Variants in SLCO2B1 observed in about 807,000 individuals in gnomAD.
The protein encoded by SLCO2B1 is solute carrier organic anion transporter family member 2B1.
A neutral mutation model predicts 67.3 loss-of-function variants in SLCO2B1; 41 were observed. The observed-to-expected ratio is 0.61, with a 90% CI of 0.47 to 0.79. The LOEUF is 0.79. SLCO2B1 is among the 30% of genes least tolerant of loss of function. SLCO2B1 has a pLI of 0.00. For synonymous variants in SLCO2B1, 379 were observed against 381.4 expected, an observed-to-expected ratio of 0.99 and a Z score of 0.07; for missense variants, 837 against 920.1, an observed-to-expected ratio of 0.91 and a Z score of 1.17.
At chr11:75,188,349 C>T (rs999392844) in intron 8 of SLCO2B1, 111 bp downstream of exon 8, 2 of 702,420 alleles carry the variant, frequency 2.8e-6, no homozygotes, top group Admixed American at 2.1e-5. Flanking sequence ...CCTGCAGACC[C>T]CTCATGAGCA....
chr11:75,158,292 T>C (rs1008050794), intron 1 of SLCO2B1, among the ~76,000 whole-genome samples: 6 of 152,186 alleles, frequency 3.9e-5, no homozygotes. Flanking sequence ...CCCAGGCTGG[T>C]TTATTATTTT....
In SLCO2B1 at chr11:75,196,607, T is replaced by C; in HGVS notation, c.1527T>C (p.Arg509=). 5 of 1,614,068 alleles carry C rather than the reference T, an allele frequency of 3.1e-6. No individual in the cohort carries two copies. Among genetic ancestry groups the C allele is most frequent in the Non-Finnish European group, 4.2e-6 (5 of 1,180,028 alleles). Residue 509 remains arginine (R), a synonymous_variant, in exon 10 of 14, where the codon CGT becomes CGC. Transcript: ENST00000289575. ...ACCCTGTCTGCGACCCCAGCACTCG[T>C]GTGGAATACATCACACCCTGCCACG... ...GFNPVCDPST[R]VEYITPCHAG...
chr11:75,166,053 C>T (rs1949887599), intron 4 of SLCO2B1, 104 bp downstream of exon 4: 2 of 1,356,262 alleles, frequency 1.5e-6, no homozygotes, highest in Admixed American at 2.1e-5. Context: ...CACCCCAAAA[C>T]CTCAACACCC....
rs562515081 is a variant in SLCO2B1, at chr11:75,172,409, G to A, written c.812G>A (p.Arg271Gln). 65 of 1,614,088 alleles carry A rather than the reference G, an allele frequency of 4.0e-5. No homozygotes were observed. The highest frequency in any genetic ancestry group is 4.9e-5 in the Non-Finnish European group (58 of 1,179,952). ...ATCAGCCTGACCATAAAGGACCCCC[G>A]ATGGGTGGGTGCCTGGTGGCTGGGT... ...GGISLTIKDP[R>Q]WVGAWWLGFL... Residue 271 changes from arginine to glutamine, a missense_variant, in exon 7 of 14, where the codon CGA becomes CAA. Transcript: ENST00000289575.
chr11:75,188,064 C>T (rs1944963993), intron 7 of SLCO2B1, 72 bp from the exon 8 acceptor site: 2 of 1,057,466 alleles, frequency 1.9e-6, no homozygotes, highest in South Asian at 1.4e-5. Context: ...CCTCTCCTCC[C>T]CAGCCCACAG....
intron 7 of SLCO2B1, among the ~76,000 whole-genome samples, chr11:75,177,882 G>C (rs891444322): frequency 2.0e-5 from 3 of 152,096 alleles, no homozygotes; most frequent in Non-Finnish European, 4.4e-5. Flanking sequence ...CATCACTTGA[G>C]GTCAGGAGTT....
Position 75,200,363 on chromosome 11 carries a change from C to T in SLCO2B1, c.1739C>T (p.Thr580Ile). ...LGSALACLTH[T>I]PSFMLILRGV... ...TCGGCCCTGGCCTGTCTCACCCACA[C>T]ACCCTCCTTCATGCTCATCCTAAGG... Residue 580 changes from threonine to isoleucine, a missense_variant, in exon 11 of 14, where the codon ACA becomes ATA. Transcript: ENST00000289575. The T allele has an allele frequency of 6.2e-7, 1 of 1,609,456 alleles. No homozygotes were observed. The highest frequency in any genetic ancestry group is 1.1e-5 in the South Asian group (1 of 90,592).
intron 7 of SLCO2B1, among the ~76,000 whole-genome samples, chr11:75,183,415 A>T (rs2140327565): frequency 6.6e-6 from 1 of 152,286 alleles, no homozygotes; most frequent in African/African-American, 2.4e-5. Flanking sequence ...CTTACCCAAA[A>T]AAATAAGACA....
At chr11:75,192,489 C>A (rs1241182509) in intron 8 of SLCO2B1, among the ~76,000 whole-genome samples, 1 of 151,620 alleles carries the variant, frequency 6.6e-6, no homozygotes, top group African/African-American at 2.4e-5. Context: ...GTTTGGGATG[C>A]GAAGGAGGAT....
chr11:75,151,437 G>C, intron 1 of SLCO2B1, 40 bp downstream of exon 1: 1 of 1,610,992 alleles, frequency 6.2e-7, no homozygotes, highest in Non-Finnish European at 8.5e-7. Flanking sequence ...TGGAGAGCAA[G>C]CCTGGGGGAC....
chr11:75,201,754 G>C (rs1014082513), intron 11 of SLCO2B1: 2 of 152,234 alleles, frequency 1.3e-5, no homozygotes, highest in African/African-American at 4.8e-5. Flanking sequence ...TATGGGGGAG[G>C]AGCTTTCATG....
chr11:75,157,314 C>T (rs1949757139), intron 1 of SLCO2B1, among the ~76,000 whole-genome samples: 1 of 152,180 alleles, frequency 6.6e-6, no homozygotes, highest in South Asian at 2.1e-4. Flanking sequence ...CAAATACCAT[C>T]ATGTGAATGT....
chr11:75,156,557 G>C (rs956357771), intron 1 of SLCO2B1, among the ~76,000 whole-genome samples: 1 of 152,146 alleles, frequency 6.6e-6, no homozygotes, highest in Non-Finnish European at 1.5e-5. Context: ...ATGAGGAATG[G>C]ATTGCCCAGC....
At chr11:75,186,528 T>G (rs1365272001) in intron 7 of SLCO2B1, among the ~76,000 whole-genome samples, 1 of 151,776 alleles carries the variant, frequency 6.6e-6, no homozygotes, top group African/African-American at 2.4e-5. Flanking sequence ...TTTATTTTTA[T>G]TTTTAGTAGA....
intron 9 of SLCO2B1, among the ~76,000 whole-genome samples, chr11:75,194,467 G>A (rs988174187): frequency 2.6e-5 from 4 of 152,088 alleles, no homozygotes; most frequent in South Asian, 2.1e-4. Flanking sequence ...CATGGCTGTC[G>A]GGGGCTCAGC....
At chr11:75,178,102 A>AC (rs1565541087) in intron 7 of SLCO2B1, among the ~76,000 whole-genome samples, 1 of 150,870 alleles carries the variant, frequency 6.6e-6, no homozygotes, top group African/African-American at 2.5e-5. Context: ...TCAAAAAAAA[A>AC]AAAAAAACAA....
intron 8 of SLCO2B1, among the ~76,000 whole-genome samples, chr11:75,190,082 C>A (rs992396697): frequency 2.0e-5 from 3 of 152,152 alleles, no homozygotes; most frequent in Non-Finnish European, 4.4e-5. Flanking sequence ...CTAGACGCAG[C>A]GGCCGGGACT....
intron 4 of SLCO2B1, 60 bp downstream of exon 4, chr11:75,166,009 G>A: frequency 1.9e-6 from 3 of 1,548,808 alleles, no homozygotes; most frequent in Admixed American, 1.8e-5. Context: ...CTTTGCGCTG[G>A]GGCCCACCCC....
At chr11:75,166,633 C>G (rs535120894) in intron 4 of SLCO2B1, among the ~76,000 whole-genome samples, 1 of 152,224 alleles carries the variant, frequency 6.6e-6, no homozygotes, top group Non-Finnish European at 1.5e-5. Flanking sequence ...GATCCATCCA[C>G]CTACTACTCA....
Sources: allele counts gnomAD v4.1 joint callset (sites outside exome capture counted in the v4.1 genomes callset), GRCh38; gene constraint gnomAD v4.1.1; transcripts MANE v1.5; gene names NCBI Gene and HGNC (gene_info 2026-07-23, HGNC 2026-07-21).